ANKRD44: variants seen among roughly 807,000 people sequenced by gnomAD.
The protein encoded by ANKRD44 is ankyrin repeat domain 44.
In ANKRD44, 35 loss-of-function variants were observed where a neutral mutation model predicts 116.0. The observed-to-expected ratio is 0.30, with a 90% CI of 0.23 to 0.40. ANKRD44 has a LOEUF of 0.40. Among genes scored for constraint, ANKRD44 ranks in the 10% least tolerant of loss-of-function variants. ANKRD44 has a pLI of 1.00. For synonymous variants in ANKRD44, 435 were observed against 461.8 expected, an observed-to-expected ratio of 0.94 and a Z score of 0.74; for missense variants, 1,014 against 1,242.6, an observed-to-expected ratio of 0.82 and a Z score of 2.77.
intron 18 of ANKRD44, among the ~76,000 whole-genome samples, chr2:197,011,750 G>A (rs2076305849): frequency 6.6e-6 from 1 of 152,160 alleles, no homozygotes. Flanking sequence ...TGGGATTACA[G>A]GCATGAACCA....
intron 12 of ANKRD44, among the ~76,000 whole-genome samples, chr2:197,087,500 A>G (rs2077953022): frequency 6.6e-6 from 1 of 152,210 alleles, no homozygotes; most frequent in Non-Finnish European, 1.5e-5. Flanking sequence ...TATTTTTTAA[A>G]TGTGAGCATA....
chr2:197,194,924 A>G (rs952586143), intron 1 of ANKRD44, among the ~76,000 whole-genome samples: 1 of 152,202 alleles, frequency 6.6e-6, no homozygotes, highest in Non-Finnish European at 1.5e-5. Context: ...TGGGGACTGG[A>G]GAGTAAATCT....
At chr2:197,224,493 T>A (rs1256066448) in intron 1 of ANKRD44, among the ~76,000 whole-genome samples, 1 of 152,198 alleles carries the variant, frequency 6.6e-6, no homozygotes, top group Non-Finnish European at 1.5e-5. Context: ...TCTAAGATTG[T>A]CCTTGTGTAT....
chr2:196,993,797 T>C, intron 26 of ANKRD44, 123 bp from the exon 27 acceptor site: 1 of 732,714 alleles, frequency 1.4e-6, no homozygotes, highest in Non-Finnish European at 2.2e-6. Context: ...CATGGATGTT[T>C]TTACTTAAGA....
chr2:197,143,202 AT>A (rs2079412668), intron 3 of ANKRD44, among the ~76,000 whole-genome samples: 1 of 111,030 alleles, frequency 9.0e-6, no homozygotes, highest in Admixed American at 8.8e-5. Context: ...TTATTTTTTT[AT>A]TTTATTATTA....
chr2:196,988,042 G>T lies in ANKRD44; in HGVS notation c.*1549C>A, dbSNP rs1012337719. ...TTCATTGTGAGCATGATTTCATTTC[G>T]TTCCTTTGTCCTCCTTCTATGAGTA... On this transcript the variant is annotated 3_prime_UTR_variant, in exon 28 of 28. Transcript: ENST00000282272. 3.1e-5 allele frequency: 31 copies of T among 985,204 alleles called. No homozygotes were observed. The highest frequency in any genetic ancestry group is 3.5e-5 in the Non-Finnish European group (29 of 829,914). The allele number at this position is 985,204 out of a possible 1,614,324, so 61.0% of individuals were successfully genotyped here. A position where few individuals can be genotyped will look rare whatever the true frequency, so the allele number is the denominator to read the frequency against.
At chr2:197,071,342 T>C (rs929162547) in intron 16 of ANKRD44, among the ~76,000 whole-genome samples, 3 of 152,310 alleles carry the variant, frequency 2.0e-5, no homozygotes, top group Admixed American at 2.0e-4. Context: ...TGCTAAAAAT[T>C]TCTTTCTCAG....
chr2:197,106,429 A>G (rs1205538974), intron 9 of ANKRD44, among the ~76,000 whole-genome samples: 9 of 152,094 alleles, frequency 5.9e-5, no homozygotes, highest in Non-Finnish European at 8.8e-5. Flanking sequence ...TGGGCTACAC[A>G]GCGAGATTTC....
chr2:197,182,203 C>G (rs558262646), intron 2 of ANKRD44, among the ~76,000 whole-genome samples: 2 of 152,304 alleles, frequency 1.3e-5, no homozygotes, highest in Admixed American at 1.3e-4. Flanking sequence ...ATCTTTCTAG[C>G]TATCTGCCAA....
At chr2:197,211,420 G>T (rs947124843) in intron 1 of ANKRD44, among the ~76,000 whole-genome samples, 1 of 152,156 alleles carries the variant, frequency 6.6e-6, no homozygotes, top group Admixed American at 6.5e-5. Flanking sequence ...AAGGAGCCAG[G>T]ATCAACCAGG....
intron 18 of ANKRD44, among the ~76,000 whole-genome samples, chr2:197,013,029 G>A (rs2125920917): frequency 6.6e-6 from 1 of 152,188 alleles, no homozygotes; most frequent in African/African-American, 2.4e-5. Context: ...TTTTTACATC[G>A]ATGTGTAAAA....
chr2:197,234,449 C>T (rs1288395048), intron 1 of ANKRD44, among the ~76,000 whole-genome samples: 1 of 152,270 alleles, frequency 6.6e-6, no homozygotes, highest in East Asian at 1.9e-4. Flanking sequence ...ATCTCGGCCT[C>T]ACACAGTGCT....
intron 2 of ANKRD44, among the ~76,000 whole-genome samples, chr2:197,164,480 C>A (rs1038451134): frequency 6.6e-6 from 1 of 152,334 alleles, no homozygotes; most frequent in Admixed American, 6.5e-5. Context: ...CTTCCCCCAG[C>A]TGAAGAGCAG....
intron 2 of ANKRD44, among the ~76,000 whole-genome samples, chr2:197,150,224 T>G (rs2079606654): frequency 6.6e-6 from 1 of 152,166 alleles, no homozygotes; most frequent in South Asian, 2.1e-4. Context: ...TTAGGTGTCC[T>G]GGCTCCCAAC....
chr2:197,001,537 G>C (rs940753573), intron 22 of ANKRD44, among the ~76,000 whole-genome samples: 2 of 152,162 alleles, frequency 1.3e-5, no homozygotes, highest in Non-Finnish European at 2.9e-5. Flanking sequence ...TTTCCCGAGG[G>C]TGGCATCTTT....
At chr2:196,973,516 G>A (rs1393471795) in intron 21 of ANKRD44, among the ~76,000 whole-genome samples, 1 of 152,012 alleles carries the variant, frequency 6.6e-6, no homozygotes, top group African/African-American at 2.4e-5. Flanking sequence ...CACATGAACC[G>A]GAGATTTAAA....
intron 13 of ANKRD44, among the ~76,000 whole-genome samples, chr2:197,083,836 T>G (rs13023850): frequency 0.024 from 3,648 of 152,300 alleles, 54 homozygotes; most frequent in Non-Finnish European, 0.038. Context: ...GATTTTCAGA[T>G]GAGGGGTGCT....
chr2:197,015,317 T>A, intron 17 of ANKRD44: 1 of 458,832 alleles, frequency 2.2e-6, no homozygotes, highest in Non-Finnish European at 4.0e-6. Flanking sequence ...TGAGAGACCA[T>A]TTTAAAAGGT....
intron 18 of ANKRD44, among the ~76,000 whole-genome samples, chr2:197,010,341 C>T (rs1016137316): frequency 3.3e-5 from 5 of 152,092 alleles, no homozygotes; most frequent in Admixed American, 6.5e-5. Flanking sequence ...ACTTCCCAGG[C>T]ATCCTCGTGC....
Sources: allele counts gnomAD v4.1 joint callset (sites outside exome capture counted in the v4.1 genomes callset), GRCh38; gene constraint gnomAD v4.1.1; transcripts MANE v1.5; gene names NCBI Gene and HGNC (gene_info 2026-07-23, HGNC 2026-07-21).